COL15A1: variants seen among roughly 807,000 people sequenced by gnomAD.
The protein encoded by COL15A1 is collagen type XV alpha 1 chain, also known as collagen alpha-1(XV) chain.
A neutral mutation model predicts 165.9 loss-of-function variants in COL15A1; 111 were observed. The observed-to-expected ratio is 0.67, with a 90% CI of 0.57 to 0.78. COL15A1 has a LOEUF of 0.78. Among genes scored for constraint, COL15A1 ranks in the 30% least tolerant of loss-of-function variants. The probability of loss-of-function intolerance (pLI) is 0.00; values close to 1 mark genes in which losing one functional copy is unlikely to be tolerated. For missense variants in COL15A1, 1,745 were observed against 1,789.7 expected (o/e 0.98, Z 0.45); for synonymous variants, 659 against 674.8 (o/e 0.98, Z 0.36).
intron 2 of COL15A1, among the ~76,000 whole-genome samples, chr9:98,980,811 C>T (rs982995760): frequency 1.3e-5 from 2 of 152,148 alleles, no homozygotes; most frequent in African/African-American, 4.8e-5. Flanking sequence ...GAACAATTAA[C>T]ACTATCACTA....
At chr9:99,041,682 G>A (rs1399737159) in intron 23 of COL15A1, among the ~76,000 whole-genome samples, 2 of 152,182 alleles carry the variant, frequency 1.3e-5, no homozygotes, top group Non-Finnish European at 2.9e-5. Context: ...CCAGAGAAGG[G>A]GTGGGAGTCG....
chr9:99,035,155 G>A lies in COL15A1; in HGVS notation c.2220+1G>A. The stretch of plus-strand genomic sequence containing the variant: ...ATGCACAATGGGACTTGGATTCGAG[G>A]TACTTTTCCCCTTTTCTGTGGTTAT... On this transcript the variant is annotated splice_donor_variant, in intron 18 of 41. Coordinates refer to ENST00000375001, the MANE Select transcript of COL15A1 (RefSeq NM_001855.5). LOFTEE classifies it high-confidence loss of function. 1.9e-6 allele frequency: 3 copies of A among 1,591,620 alleles called. No individual in the cohort carries two copies. Among genetic ancestry groups the A allele is most frequent in the Non-Finnish European group, 1.7e-6 (2 of 1,171,424 alleles).
At chr9:98,946,193 C>T (rs957713484) in intron 2 of COL15A1, among the ~76,000 whole-genome samples, 10 of 152,180 alleles carry the variant, frequency 6.6e-5, no homozygotes, top group African/African-American at 2.4e-4. Flanking sequence ...TCATCCAATC[C>T]TTACAACCAC....
At chr9:98,957,207 G>A (rs79167660) in intron 2 of COL15A1, among the ~76,000 whole-genome samples, 1 of 152,222 alleles carries the variant, frequency 6.6e-6, no homozygotes, top group Non-Finnish European at 1.5e-5. Flanking sequence ...TCAGAGTGGT[G>A]TGATGTGAGA....
At chr9:99,046,330 A>C (rs1588531987) in intron 26 of COL15A1, among the ~76,000 whole-genome samples, 1 of 152,334 alleles carries the variant, frequency 6.6e-6, no homozygotes, top group African/African-American at 2.4e-5. Flanking sequence ...AGCATCACTG[A>C]CATCACTTGG....
intron 3 of COL15A1, chr9:98,986,469 A>T (rs941799156): frequency 5.1e-6 from 1 of 194,356 alleles, no homozygotes; most frequent in Non-Finnish European, 1.1e-5. Flanking sequence ...AAGGTTTGTT[A>T]TAGCCCTAAA....
chr9:99,017,619 G>A (rs566344086), intron 11 of COL15A1, among the ~76,000 whole-genome samples: 1 of 152,290 alleles, frequency 6.6e-6, no homozygotes, highest in Non-Finnish European at 1.5e-5. Context: ...TGAGACACTG[G>A]GGCTGGGGCT....
chr9:98,949,200 T>A (rs139013570), intron 2 of COL15A1, among the ~76,000 whole-genome samples: 294 of 152,394 alleles, frequency 1.9e-3, no homozygotes, highest in Non-Finnish European at 3.5e-3. Context: ...TTGAGATTTA[T>A]TCATGCTGCT....
intron 2 of COL15A1, among the ~76,000 whole-genome samples, chr9:98,947,021 A>G (rs887318193): frequency 1.3e-5 from 2 of 152,210 alleles, no homozygotes; most frequent in Admixed American, 6.5e-5. Context: ...TACTTACCCT[A>G]CAATCTAGAA....
At chr9:99,065,388 A>G (rs1002828387) in intron 39 of COL15A1, among the ~76,000 whole-genome samples, 2 of 152,074 alleles carry the variant, frequency 1.3e-5, no homozygotes, top group African/African-American at 4.8e-5. Context: ...CTCAGGCACC[A>G]GAGTCTCCAG....
At chr9:98,991,685 C>T (rs1000906266) in intron 5 of COL15A1, among the ~76,000 whole-genome samples, 6 of 152,104 alleles carry the variant, frequency 3.9e-5, no homozygotes, top group Non-Finnish European at 8.8e-5. Context: ...TCTAGCTAGA[C>T]ATAAAAGTTC....
chr9:99,044,705 C>T (rs763156759), intron 25 of COL15A1, 30 bp from the exon 26 acceptor site: 2 of 1,612,764 alleles, frequency 1.2e-6, no homozygotes, highest in South Asian at 2.2e-5. Flanking sequence ...CTGTCCCAAA[C>T]AGTGACAAGT....
chr9:98,976,875 T>A (rs927017253), intron 2 of COL15A1, among the ~76,000 whole-genome samples: 11 of 151,980 alleles, frequency 7.2e-5, no homozygotes, highest in African/African-American at 2.7e-4. Flanking sequence ...GACTACCTGG[T>A]GGGGGAATCC....
intron 39 of COL15A1, 141 bp downstream of exon 39, chr9:99,063,250 A>G (rs550846323): frequency 1.9e-6 from 2 of 1,080,234 alleles, no homozygotes; most frequent in Non-Finnish European, 2.5e-6. Context: ...GAGAATTACA[A>G]TACAGTGTGG....
chr9:98,988,907 A>T (rs1438035629), intron 4 of COL15A1, among the ~76,000 whole-genome samples: 1 of 152,126 alleles, frequency 6.6e-6, no homozygotes, highest in Non-Finnish European at 1.5e-5. Flanking sequence ...TGGGTGACAG[A>T]GTAAGAGAGA....
intron 31 of COL15A1, 70 bp downstream of exon 31, chr9:99,052,503 CAG>C: frequency 7.8e-7 from 1 of 1,275,030 alleles, no homozygotes; most frequent in Non-Finnish European, 1.1e-6. Flanking sequence ...TTCCTTTGCC[CAG>C]TGCAGGGCGC....
intron 35 of COL15A1, 61 bp downstream of exon 35, chr9:99,056,465 G>A: frequency 6.6e-7 from 1 of 1,517,560 alleles, no homozygotes; most frequent in Non-Finnish European, 8.8e-7. Flanking sequence ...CAAGGTCACA[G>A]CATCTGGGTG....
chr9:99,028,160 A>G (rs964218579), intron 16 of COL15A1, among the ~76,000 whole-genome samples: 1 of 152,242 alleles, frequency 6.6e-6, no homozygotes, highest in African/African-American at 2.4e-5. Context: ...AGCACAGCAC[A>G]TAGACCAATC....
At chr9:99,002,262 C>T (rs1275350989) in intron 7 of COL15A1, among the ~76,000 whole-genome samples, 1 of 150,838 alleles carries the variant, frequency 6.6e-6, no homozygotes, top group East Asian at 2.0e-4. Context: ...CTTCCTTTGT[C>T]CCTCTCTCCC....
Sources: gnomAD v4.1 joint callset for allele counts (sites outside exome capture counted in the v4.1 genomes callset) on GRCh38, gnomAD v4.1.1 for gene constraint, MANE v1.5 for transcripts, NCBI Gene and HGNC (gene_info 2026-07-23, HGNC 2026-07-21) for gene names.